Variants in GRIK2 observed in about 807,000 individuals in gnomAD.
GRIK2 encodes glutamate ionotropic receptor kainate type subunit 2.
A neutral mutation model predicts 100.3 loss-of-function variants in GRIK2; 32 were observed. That is an observed-to-expected ratio of 0.32 (90% CI 0.24 to 0.43). The LOEUF (loss-of-function observed/expected upper bound fraction) is 0.43, where lower values mean the gene tolerates loss of function less well. Among genes scored for constraint, GRIK2 ranks in the 20% least tolerant of loss-of-function variants. The probability of loss-of-function intolerance (pLI) is 1.00; values close to 1 mark genes in which losing one functional copy is unlikely to be tolerated. For missense variants in GRIK2, 843 were observed against 1,114.9 expected (o/e 0.76, Z 3.47); for synonymous variants, 417 against 389.4 (o/e 1.07, Z -0.83).
intron 12 of GRIK2, among the ~76,000 whole-genome samples, chr6:101,914,615 G>A (rs765852645): frequency 4.0e-5 from 6 of 151,352 alleles, no homozygotes; most frequent in Non-Finnish European, 8.9e-5. Context: ...TCCTGACAAT[G>A]TGTTGCCCCC....
At chr6:101,701,927 C>T (rs76840708) in intron 7 of GRIK2, among the ~76,000 whole-genome samples, 13,785 of 151,946 alleles carry the variant, frequency 0.091, 979 homozygotes, top group East Asian at 0.3. Context: ...TTCCCCTAAC[C>T]GATTTGTAAG....
intron 2 of GRIK2, among the ~76,000 whole-genome samples, chr6:101,411,240 C>A (rs1348150949): frequency 1.3e-5 from 2 of 152,012 alleles, no homozygotes; most frequent in African/African-American, 4.8e-5. Context: ...CTTTCAAAAT[C>A]TAATTCAAGT....
At chr6:101,682,072 GGT>G (rs1771299239) in intron 5 of GRIK2, among the ~76,000 whole-genome samples, 1 of 152,102 alleles carries the variant, frequency 6.6e-6, no homozygotes, top group South Asian at 2.1e-4. Flanking sequence ...AAATAAGAGT[GGT>G]AATTTACATT....
At chr6:101,483,929 G>A (rs1772672943) in intron 2 of GRIK2, among the ~76,000 whole-genome samples, 1 of 152,184 alleles carries the variant, frequency 6.6e-6, no homozygotes, top group African/African-American at 2.4e-5. Flanking sequence ...GTTATATAAA[G>A]TAGGGCATTA....
At chr6:101,890,130 C>A in intron 12 of GRIK2, 1 of 285,294 alleles carries the variant, frequency 3.5e-6, no homozygotes, top group Non-Finnish European at 6.4e-6. Flanking sequence ...CTTTTTAAAT[C>A]AATATGATAA....
intron 7 of GRIK2, among the ~76,000 whole-genome samples, chr6:101,749,076 T>G (rs941936764): frequency 2.0e-5 from 3 of 152,168 alleles, no homozygotes; most frequent in Non-Finnish European, 2.9e-5. Context: ...ATTATTAAAT[T>G]TACACTTAAC....
At chr6:101,564,936 A>G (rs1356358350) in intron 2 of GRIK2, among the ~76,000 whole-genome samples, 2 of 152,120 alleles carry the variant, frequency 1.3e-5, no homozygotes, top group Non-Finnish European at 2.9e-5. Flanking sequence ...GAGCCTCATG[A>G]TTATACTCTC....
intron 15 of GRIK2, among the ~76,000 whole-genome samples, chr6:102,050,648 T>TA (rs146553452): frequency 0.086 from 3,715 of 42,962 alleles, 87 homozygotes; most frequent in Non-Finnish European, 0.12. Flanking sequence ...AAACTCGGTC[T>TA]AAAAAAAAAA....
At position 101,964,244 on chromosome 6, in the gene GRIK2, C is replaced by T. The variant is rs567330326; in HGVS notation, c.2085+35612C>T. Among the ~76,000 whole-genome samples, 59 of 151,252 alleles carry T rather than the reference C, an allele frequency of 3.9e-4. 1 individual carries two copies. The highest frequency in any genetic ancestry group is 1.4e-3 in the African/African-American group (57 of 41,270). On this transcript the variant is annotated intron_variant, in intron 14 of 16. Coordinates refer to ENST00000369134, the MANE Select transcript of GRIK2 (RefSeq NM_021956.5). ...ATGATATATAATAAAACAATGCTAA[C>T]ACATATATGTATAATTAGGTACATG...
chr6:101,421,922 T>C (rs1433587693), intron 2 of GRIK2, among the ~76,000 whole-genome samples: 3 of 152,186 alleles, frequency 2.0e-5, no homozygotes, highest in African/African-American at 4.8e-5. Context: ...CATGGTGAGA[T>C]TGGAATTTGA....
chr6:101,937,290 A>T (rs116517949), intron 14 of GRIK2, among the ~76,000 whole-genome samples: 1,721 of 152,240 alleles, frequency 0.011, 34 homozygotes, highest in African/African-American at 0.039. Context: ...TGCAAGGACC[A>T]TTCCTGCTGT....
intron 2 of GRIK2, among the ~76,000 whole-genome samples, chr6:101,460,056 C>T (rs934794613): frequency 2.6e-5 from 4 of 152,182 alleles, no homozygotes; most frequent in Non-Finnish European, 4.4e-5. Flanking sequence ...CGTGCCCGGC[C>T]GCACATCTGT....
chr6:101,496,982 T>C (rs887607883), intron 2 of GRIK2, among the ~76,000 whole-genome samples: 2 of 152,162 alleles, frequency 1.3e-5, no homozygotes, highest in Non-Finnish European at 2.9e-5. Context: ...GTAAAAGATA[T>C]ACAACTTTCA....
At chr6:101,736,855 T>C (rs961211700) in intron 7 of GRIK2, among the ~76,000 whole-genome samples, 2 of 152,232 alleles carry the variant, frequency 1.3e-5, no homozygotes, top group South Asian at 4.1e-4. Flanking sequence ...ATTGTCAGAC[T>C]GGCTGCAAAT....
intron 14 of GRIK2, among the ~76,000 whole-genome samples, chr6:101,930,737 G>A (rs766509499): frequency 1.7e-4 from 26 of 150,364 alleles, no homozygotes; most frequent in African/African-American, 4.7e-4. Context: ...TCATTCTTTC[G>A]TTCTTTTTTT....
intron 2 of GRIK2, among the ~76,000 whole-genome samples, chr6:101,577,112 T>A: frequency 6.6e-6 from 1 of 151,998 alleles, no homozygotes; most frequent in East Asian, 1.9e-4. Flanking sequence ...AATGATTAGA[T>A]TTTGTTTGCT....
chr6:101,805,498 T>C (rs1780941867), intron 9 of GRIK2, among the ~76,000 whole-genome samples: 1 of 151,940 alleles, frequency 6.6e-6, no homozygotes, highest in Non-Finnish European at 1.5e-5. Flanking sequence ...AAGGAAAACA[T>C]GTAAAGTGCT....
intron 10 of GRIK2, among the ~76,000 whole-genome samples, chr6:101,841,901 C>T (rs1783529576): frequency 6.6e-6 from 1 of 152,052 alleles, no homozygotes; most frequent in Non-Finnish European, 1.5e-5. Flanking sequence ...TGAAAAGAAG[C>T]TTTCAGTAAG....
intron 2 of GRIK2, among the ~76,000 whole-genome samples, chr6:101,454,387 A>T (rs1770879517): frequency 6.6e-6 from 1 of 152,282 alleles, no homozygotes; most frequent in Non-Finnish European, 1.5e-5. Flanking sequence ...ATATAAATTT[A>T]TGAGATACCA....
Sources: gnomAD v4.1 joint callset for allele counts (sites outside exome capture counted in the v4.1 genomes callset) on GRCh38, gnomAD v4.1.1 for gene constraint, MANE v1.5 for transcripts, NCBI Gene and HGNC (gene_info 2026-07-23, HGNC 2026-07-21) for gene names.